COL23A1: variants seen among roughly 807,000 people sequenced by gnomAD.
COL23A1 encodes the protein collagen alpha-1(XXIII) chain.
Under a neutral mutation model 99.3 loss-of-function variants are expected in COL23A1, and 97 were observed. That is an observed-to-expected ratio of 0.98 (90% CI 0.83 to 1.16). The LOEUF (loss-of-function observed/expected upper bound fraction) is 1.16, where lower values mean the gene tolerates loss of function less well. COL23A1 is among the 50% of genes most tolerant of loss of function. The pLI is 0.00. For synonymous variants in COL23A1, 320 were observed against 308.2 expected (o/e 1.04, Z -0.40); for missense variants, 762 against 757.4 (o/e 1.01, Z -0.07).
chr5:178,260,734 C>T (rs1765579701), intron 11 of COL23A1, among the ~76,000 whole-genome samples: 1 of 152,172 alleles, frequency 6.6e-6, no homozygotes, highest in Non-Finnish European at 1.5e-5. Flanking sequence ...GCAGAGGTTG[C>T]AGTGGGCTGA....
At chr5:178,321,482 T>C (rs966419842) in intron 2 of COL23A1, among the ~76,000 whole-genome samples, 1 of 117,790 alleles carries the variant, frequency 8.5e-6, no homozygotes, top group African/African-American at 3.5e-5. Context: ...CACCTTCCCT[T>C]TTTTTTTTTT....
At chr5:178,484,342 AAAGAACG>A (rs1203948765) in intron 2 of COL23A1, among the ~76,000 whole-genome samples, 1 of 152,244 alleles carries the variant, frequency 6.6e-6, no homozygotes, top group Admixed American at 6.5e-5. Context: ...CATTTTGTTG[AAAGAACG>A]AAGATTGGGT....
intron 25 of COL23A1, 60 bp downstream of exon 25, chr5:178,245,882 G>A (rs1218631978): frequency 6.3e-7 from 1 of 1,584,780 alleles, no homozygotes; most frequent in African/African-American, 1.3e-5. Context: ...GTTACTGCAT[G>A]AGGGCAGAAG....
rs568430810 is a variant in COL23A1 at position 178,434,202 on chromosome 5, G to A, written c.361+126480C>T. Among the ~76,000 whole-genome samples, 3 of 152,252 alleles carry A rather than the reference G, an allele frequency of 2.0e-5. No homozygotes were observed. The highest frequency in any genetic ancestry group is 4.4e-5 in the Non-Finnish European group (3 of 68,050). On this transcript the variant is annotated intron_variant, in intron 2 of 28. Coordinates refer to ENST00000390654, the MANE Select transcript of COL23A1 (RefSeq NM_173465.4). This position sits in a 1 kb window ranked among gnomAD's most constrained non-coding sequence, Gnocchi z 4.3. ...GATAGGGAAATCAAGGCTTAGAGAA[G>A]TGGGCTGCCCCAGGTCACACACTGA...
chr5:178,500,030 TGGTA>T (rs1758435351), intron 2 of COL23A1, among the ~76,000 whole-genome samples: 1 of 152,126 alleles, frequency 6.6e-6, no homozygotes, highest in Non-Finnish European at 1.5e-5. Flanking sequence ...AACAGAAAGT[TGGTA>T]AGTGGTCACC....
At position 178,246,311 on chromosome 5, in the gene COL23A1, G is replaced by C; in HGVS notation, c.1360-4C>G. 1 of 1,556,810 alleles carries C rather than the reference G, an allele frequency of 6.4e-7. No individual in the cohort carries two copies. The highest frequency in any genetic ancestry group is 8.7e-7 in the Non-Finnish European group (1 of 1,149,382). ...GGCCCGGTGGGCCAACTGGCCCCTGGATAGAAAAGGAATGAGTCAAGAGGC... is the reference window on the plus strand; with the variant it reads ...GGCCCGGTGGGCCAACTGGCCCCTGCATAGAAAAGGAATGAGTCAAGAGGC... On this transcript the variant is annotated splice_region_variant and splice_polypyrimidine_tract_variant and intron_variant, in intron 23 of 28. Coordinates refer to ENST00000390654, the MANE Select transcript of COL23A1 (RefSeq NM_173465.4).
At position 178,497,481 on chromosome 5, in the gene COL23A1, C is replaced by A. The variant is rs550964322; in HGVS notation, c.361+63201G>T. Among the ~76,000 whole-genome samples the A allele has an allele frequency of 2.0e-5, 3 of 152,242 alleles. No individual in the cohort carries two copies. The South Asian group carries it at 6.2e-4, about 32-fold the overall frequency. ...GATGGTCAAGCAATGAGCTCATAATCAAAGATTAACGTGGAAGAAGGCAAG... is the reference window on the plus strand; with the variant it reads ...GATGGTCAAGCAATGAGCTCATAATAAAAGATTAACGTGGAAGAAGGCAAG... On this transcript the variant is annotated intron_variant, in intron 2 of 28. Coordinates refer to ENST00000390654, the MANE Select transcript of COL23A1 (RefSeq NM_173465.4).
chr5:178,583,144 G>A (rs555417), intron 1 of COL23A1, among the ~76,000 whole-genome samples: 46,711 of 152,152 alleles, frequency 0.31, 7,809 homozygotes, highest in Middle Eastern at 0.44. Context: ...CTGACATTTT[G>A]TAAGCACAGT....
In COL23A1 at chr5:178,366,969, C is replaced by T. The variant is rs144981549; in HGVS notation, c.362-60050G>A. Among the ~76,000 whole-genome samples, 49 of 152,318 alleles carry T rather than the reference C, an allele frequency of 3.2e-4. No homozygotes were observed. The highest frequency in any genetic ancestry group is 1.2e-3 in the African/African-American group (48 of 41,552). On this transcript the variant is annotated intron_variant, in intron 2 of 28. Coordinates refer to ENST00000390654, the MANE Select transcript of COL23A1 (RefSeq NM_173465.4). The surrounding 1 kb of genome is among the most constrained non-coding windows in gnomAD (Gnocchi z 4.4). The stretch of plus-strand genomic sequence containing the variant: ...ACCTCTGCATTCCAGGTGTCTCCTA[C>T]GGACCTGGAATGGGGTGGTCATTTG...
intron 2 of COL23A1, among the ~76,000 whole-genome samples, chr5:178,373,485 C>T (rs181210157): frequency 4.0e-4 from 61 of 152,278 alleles, no homozygotes; most frequent in African/African-American, 1.4e-3. Context: ...GGTGCAATCT[C>T]GGCTCACTGC....
At chr5:178,291,410 T>G (rs954921915) in intron 3 of COL23A1, among the ~76,000 whole-genome samples, 10 of 152,136 alleles carry the variant, frequency 6.6e-5, no homozygotes, top group Admixed American at 3.3e-4. Context: ...GGAAGCTCCA[T>G]GCATAGCACA....
rs116036389 is a variant in COL23A1, at chr5:178,343,950, C to T, written c.362-37031G>A. Among the ~76,000 whole-genome samples, 1,438 of 152,214 alleles carry T rather than the reference C, an allele frequency of 9.4e-3. 12 individuals are homozygous for T. Among genetic ancestry groups the T allele is most frequent in the African/African-American group, 0.033 (1,368 of 41,542 alleles). ...TGCTGGGATTACAGGCGTGAGCCACCGTACCCGGCCTAAAATGTTTTTTAA... is the reference window on the plus strand; with the variant it reads ...TGCTGGGATTACAGGCGTGAGCCACTGTACCCGGCCTAAAATGTTTTTTAA... On this transcript the variant is annotated intron_variant, in intron 2 of 28. Transcript: ENST00000390654.
intron 2 of COL23A1, among the ~76,000 whole-genome samples, chr5:178,373,355 C>A (rs906475585): frequency 7.2e-5 from 11 of 152,206 alleles, no homozygotes; most frequent in African/African-American, 2.7e-4. Context: ...AACTGACTGC[C>A]GTTCTCAGTG....
chr5:178,349,674 G>A (rs1307951047), intron 2 of COL23A1, among the ~76,000 whole-genome samples: 1 of 152,178 alleles, frequency 6.6e-6, no homozygotes, highest in Non-Finnish European at 1.5e-5. Flanking sequence ...GGAGCCCCAA[G>A]AAGATGGACT....
chr5:178,453,266 G>A lies in COL23A1; in HGVS notation c.361+107416C>T, dbSNP rs191283683. 2.6e-3 allele frequency among the ~76,000 whole-genome samples: 400 copies of A among 152,340 alleles called. 1 individual carries two copies. The highest frequency in any genetic ancestry group is 6.8e-3 in the Middle Eastern group (2 of 294). On this transcript the variant is annotated intron_variant, in intron 2 of 28. Transcript: ENST00000390654. ...GAAACCAAAGCTCTAGTGTTCAGTG[G>A]GGAAGAGAACAGGACATCTGGAAAC... is the stretch of plus-strand genomic sequence containing the variant.
At position 178,387,084 on chromosome 5, in the gene COL23A1, A is replaced by G. The variant is rs753732560; in HGVS notation, c.362-80165T>C. On this transcript the variant is annotated intron_variant, in intron 2 of 28. Transcript: ENST00000390654. The surrounding 1 kb of genome is among the most constrained non-coding windows in gnomAD (Gnocchi z 4.7). ...CGACTTCCTGGCACTCTGCACCCCCACCTTATTTCTCTCCCACGGCAGCTT... is the reference window on the plus strand; with the variant it reads ...CGACTTCCTGGCACTCTGCACCCCCGCCTTATTTCTCTCCCACGGCAGCTT... Among the ~76,000 whole-genome samples, 3 of 151,192 alleles carry G rather than the reference A, an allele frequency of 2.0e-5. No homozygotes were observed. Among genetic ancestry groups the G allele is most frequent in the Non-Finnish European group, 4.4e-5 (3 of 67,812 alleles).
At chr5:178,462,798 T>C (rs1414830669) in intron 2 of COL23A1, among the ~76,000 whole-genome samples, 1 of 152,204 alleles carries the variant, frequency 6.6e-6, no homozygotes, top group Non-Finnish European at 1.5e-5. Flanking sequence ...GTTTCCCACA[T>C]CAAATTTCCC....
Position 178,385,595 on chromosome 5 carries a change from G to A in COL23A1, c.362-78676C>T, listed in dbSNP as rs549454711. ...TGTGACCCTGGCCGTGTGCACGTTA[G>A]GAAGTTACTCTCATGCCCTTCCCCC... is the stretch of plus-strand genomic sequence containing the variant. On this transcript the variant is annotated intron_variant, in intron 2 of 28. Transcript: ENST00000390654. Among the ~76,000 whole-genome samples, 36 of 152,316 alleles carry A rather than the reference G, an allele frequency of 2.4e-4. No homozygotes were observed. The South Asian group carries it at 5.0e-3, about 21-fold the overall frequency.
Position 178,557,407 on chromosome 5 carries a change from C to T in COL23A1, c.361+3275G>A, listed in dbSNP as rs113989101. The stretch of plus-strand genomic sequence containing the variant: ...GAGGGCGACAGGATTCAACCCACTA[C>T]ACTATTTTATTGAGGATGGGTGCAA... On this transcript the variant is annotated intron_variant, in intron 2 of 28. Coordinates refer to ENST00000390654, the MANE Select transcript of COL23A1 (RefSeq NM_173465.4). 2.2e-3 allele frequency among the ~76,000 whole-genome samples: 336 copies of T among 152,318 alleles called. 2 individuals are homozygous for T. The highest frequency in any genetic ancestry group is 7.4e-3 in the African/African-American group (308 of 41,560).
Sources: allele counts gnomAD v4.1 joint callset (sites outside exome capture counted in the v4.1 genomes callset), GRCh38; gene constraint gnomAD v4.1.1; non-coding constraint Gnocchi (gnomAD v3.1); transcripts MANE v1.5; gene names NCBI Gene and HGNC (gene_info 2026-07-23, HGNC 2026-07-21).